Variants in PRICKLE2 observed in about 807,000 individuals in gnomAD.
PRICKLE2 encodes the protein prickle-like protein 2.
Under a neutral mutation model 81.4 loss-of-function variants are expected in PRICKLE2, and 21 were observed. The observed-to-expected ratio is 0.26, with a 90% CI of 0.18 to 0.37. The LOEUF is 0.37. Ranked by LOEUF, PRICKLE2 falls within the 10% of genes least tolerant of loss-of-function variation. PRICKLE2 has a pLI of 1.00. For synonymous variants in PRICKLE2, 456 were observed against 421.5 expected (o/e 1.08, Z -1.00); for missense variants, 940 against 1,109.0 (o/e 0.85, Z 2.16).
At chr3:64,103,851 G>A (rs755511836) in intron 7 of PRICKLE2, among the ~76,000 whole-genome samples, 13 of 151,980 alleles carry the variant, frequency 8.6e-5, no homozygotes, top group Admixed American at 7.2e-4. Flanking sequence ...ATGGTGGTGC[G>A]TGCCTGTAGT....
intron 7 of PRICKLE2, chr3:64,141,839 T>G: frequency 1.0e-6 from 1 of 985,262 alleles, no homozygotes; most frequent in Non-Finnish European, 1.2e-6. Context: ...TAACATAAGT[T>G]ACTGACCATG....
At chr3:64,196,807 G>A (rs187085415) in intron 2 of PRICKLE2, among the ~76,000 whole-genome samples, 145 of 152,106 alleles carry the variant, frequency 9.5e-4, no homozygotes, top group Admixed American at 1.8e-3. Context: ...CGGATGATTC[G>A]GTATAATCAA....
At chr3:64,257,562 G>A (rs866610480) in intron 2 of PRICKLE2, among the ~76,000 whole-genome samples, 2 of 152,192 alleles carry the variant, frequency 1.3e-5, no homozygotes, top group African/African-American at 2.4e-5. Context: ...GTGGAGTTGT[G>A]TCTTTAGCTG....
At chr3:64,264,304 T>C (rs749601527) in intron 2 of PRICKLE2, among the ~76,000 whole-genome samples, 19 of 152,072 alleles carry the variant, frequency 1.2e-4, no homozygotes, top group Non-Finnish European at 2.6e-4. Flanking sequence ...GGTTTTTCAG[T>C]AATAAAGAGC....
chr3:64,194,544 C>A (rs1262504430), intron 2 of PRICKLE2, among the ~76,000 whole-genome samples: 1 of 152,202 alleles, frequency 6.6e-6, no homozygotes, highest in East Asian at 1.9e-4. Context: ...CTACACAATG[C>A]AGAGGACAGT....
At chr3:64,189,773 G>A (rs1355145834) in intron 2 of PRICKLE2, among the ~76,000 whole-genome samples, 1 of 152,188 alleles carries the variant, frequency 6.6e-6, no homozygotes, top group African/African-American at 2.4e-5. Flanking sequence ...CATTTTGGAA[G>A]GTAGTATGGA....
chr3:64,238,449 T>A (rs2107168342), intron 2 of PRICKLE2, among the ~76,000 whole-genome samples: 1 of 143,308 alleles, frequency 7.0e-6, no homozygotes, highest in Non-Finnish European at 1.5e-5. Context: ...ATCACGCCAC[T>A]GCATTCCAGC....
Position 64,097,774 on chromosome 3 carries a change from G to C in PRICKLE2, c.*1277C>G, listed in dbSNP as rs17069880. 1,516 of 152,576 alleles carry C rather than the reference G, an allele frequency of 9.9e-3. 72 individuals are homozygous for C. The East Asian group carries it at 0.11, about 11-fold the overall frequency. 9.5% of individuals were successfully genotyped at this position (152,576 alleles called of 1,614,324 possible). A position where few individuals can be genotyped will look rare whatever the true frequency, so the allele number is the denominator to read the frequency against. The stretch of plus-strand genomic sequence containing the variant: ...CACTGGACTCTTTCTACAATCTCTG[G>C]GAGCTCTTCGAGGTGGTTGTCACCT... On this transcript the variant is annotated 3_prime_UTR_variant, in exon 8 of 8. Coordinates refer to ENST00000638394, the MANE Select transcript of PRICKLE2 (RefSeq NM_198859.4).
intron 2 of PRICKLE2, among the ~76,000 whole-genome samples, chr3:64,264,605 C>A (rs1477784935): frequency 2.0e-5 from 3 of 152,166 alleles, no homozygotes; most frequent in Admixed American, 2.0e-4. Context: ...TATCTAACAT[C>A]CAACTCAACA....
chr3:64,226,460 A>G (rs1177394518), upstream of PRICKLE2, among the ~76,000 whole-genome samples: 1 of 152,188 alleles, frequency 6.6e-6, no homozygotes, highest in Admixed American at 6.5e-5. Context: ...CATCTGTACC[A>G]TTCACTCATT....
chr3:64,195,544 C>T (rs2078438551), intron 2 of PRICKLE2, among the ~76,000 whole-genome samples: 2 of 152,182 alleles, frequency 1.3e-5, no homozygotes, highest in African/African-American at 2.4e-5. Context: ...CATTTTTACA[C>T]TCACTATAAT....
At chr3:64,217,830 C>G (rs1431973222) in intron 1 of PRICKLE2, among the ~76,000 whole-genome samples, 1 of 152,178 alleles carries the variant, frequency 6.6e-6, no homozygotes, top group Non-Finnish European at 1.5e-5. Flanking sequence ...ACATACTAAT[C>G]ATATGGTCAG....
chr3:64,114,734 C>T (rs757985742), intron 7 of PRICKLE2, among the ~76,000 whole-genome samples: 41 of 151,596 alleles, frequency 2.7e-4, no homozygotes, highest in Non-Finnish European at 5.9e-4. Flanking sequence ...GTAAAGGGAC[C>T]AAATCTATGA....
intron 1 of PRICKLE2, among the ~76,000 whole-genome samples, chr3:64,217,790 G>C (rs1340327018): frequency 6.6e-6 from 1 of 152,168 alleles, no homozygotes; most frequent in African/African-American, 2.4e-5. Context: ...AAGGAGACTG[G>C]AGCATGGTGA....
intron 7 of PRICKLE2, among the ~76,000 whole-genome samples, chr3:64,118,152 G>A (rs1294941123): frequency 6.6e-6 from 1 of 152,294 alleles, no homozygotes; most frequent in African/African-American, 2.4e-5. Context: ...CTAGCCATAT[G>A]CTGAAAATTG....
chr3:64,266,941 T>C (rs1258497025), intron 2 of PRICKLE2, among the ~76,000 whole-genome samples: 1 of 105,970 alleles, frequency 9.4e-6, no homozygotes, highest in Non-Finnish European at 2.0e-5. Context: ...TGCCTCATCT[T>C]AAAAAAAAAA....
At chr3:64,207,223 A>C (rs1288694823) in intron 1 of PRICKLE2, among the ~76,000 whole-genome samples, 14 of 152,208 alleles carry the variant, frequency 9.2e-5, no homozygotes, top group Admixed American at 2.6e-4. Flanking sequence ...TAATAAGAAA[A>C]AAAGAGGAAA....
At chr3:64,161,660 A>C (rs1166259115) in intron 3 of PRICKLE2, among the ~76,000 whole-genome samples, 1 of 151,646 alleles carries the variant, frequency 6.6e-6, no homozygotes, top group Non-Finnish European at 1.5e-5. Flanking sequence ...TAAACACAAC[A>C]AACCACTAAA....
intron 7 of PRICKLE2, among the ~76,000 whole-genome samples, chr3:64,144,211 C>A (rs538462354): frequency 2.1e-4 from 32 of 152,288 alleles, no homozygotes; most frequent in African/African-American, 7.0e-4. Flanking sequence ...GACTGGCAGC[C>A]TGGTGTGATT....
Sources: allele counts gnomAD v4.1 joint callset (sites outside exome capture counted in the v4.1 genomes callset), GRCh38; gene constraint gnomAD v4.1.1; transcripts MANE v1.5; gene names NCBI Gene and HGNC (gene_info 2026-07-23, HGNC 2026-07-21).